The following TYW1B variants were observed in gnomAD, a reference collection of about 807,000 sequenced individuals.
The protein encoded by TYW1B is S-adenosyl-L-methionine-dependent tRNA 4-demethylwyosine synthase TYW1B.
A neutral mutation model predicts 86.9 loss-of-function variants in TYW1B; 73 were observed. The ratio of observed to expected loss-of-function variants is 0.84; its 90% CI spans 0.70 to 1.02. The LOEUF is 1.02. TYW1B is among the 50% of genes least tolerant of loss of function. The pLI, the probability that TYW1B is intolerant of heterozygous loss-of-function variation, is 0.00. For synonymous variants in TYW1B, 248 were observed against 292.8 expected, an observed-to-expected ratio of 0.85 and a Z score of 1.56; for missense variants, 637 against 827.4, an observed-to-expected ratio of 0.77 and a Z score of 2.82.
At chr7:72,784,763 A>T (rs1265016191) in intron 6 of TYW1B, among the ~76,000 whole-genome samples, 1 of 152,076 alleles carries the variant, frequency 6.6e-6, no homozygotes, top group Non-Finnish European at 1.5e-5. Flanking sequence ...CTCCCAAAGC[A>T]CTGGGATTAC....
At chr7:72,661,092 G>A (rs1185381422) in intron 11 of TYW1B, among the ~76,000 whole-genome samples, 2 of 150,420 alleles carry the variant, frequency 1.3e-5, no homozygotes, top group East Asian at 1.9e-4. Flanking sequence ...CCAAGATCTC[G>A]CCACTACACT....
chr7:72,809,534 T>C (rs1377588729), intron 4 of TYW1B, among the ~76,000 whole-genome samples: 1 of 152,076 alleles, frequency 6.6e-6, no homozygotes, highest in Non-Finnish European at 1.5e-5. Flanking sequence ...ACGCCTATAG[T>C]TCCAGCTACT....
chr7:72,741,504 T>C (rs1787303925), intron 8 of TYW1B, among the ~76,000 whole-genome samples: 1 of 152,020 alleles, frequency 6.6e-6, no homozygotes, highest in African/African-American at 2.4e-5. Context: ...GGGGACACCA[T>C]CAAGCATACC....
chr7:72,723,008 G>A (rs1188677084), intron 9 of TYW1B: 18 of 706,058 alleles, frequency 2.5e-5, no homozygotes, highest in Non-Finnish European at 3.0e-5. Context: ...GAATGGACAC[G>A]GCCGCCACCT....
intron 11 of TYW1B, among the ~76,000 whole-genome samples, chr7:72,667,048 A>AAAAAAAAT: frequency 7.6e-6 from 1 of 131,450 alleles, no homozygotes; most frequent in African/African-American, 3.1e-5. Flanking sequence ...AAAAAAAAAA[A>AAAAAAAAT]AAAGAAACTA....
intron 13 of TYW1B, among the ~76,000 whole-genome samples, chr7:72,601,764 G>A (rs1397677786): frequency 7.1e-5 from 10 of 140,212 alleles, no homozygotes; most frequent in East Asian, 2.1e-4. Context: ...AAAAAAAAAA[G>A]GTTAAAAAAA....
intron 7 of TYW1B, among the ~76,000 whole-genome samples, chr7:72,756,201 T>TTATTTTA (rs1554465995): frequency 7.2e-6 from 1 of 138,788 alleles, no homozygotes; most frequent in Non-Finnish European, 1.6e-5. Flanking sequence ...GTTTATTATT[T>TTATTTTA]TTTTATTTTA....
At chr7:72,806,499 A>G in intron 5 of TYW1B, among the ~76,000 whole-genome samples, 1 of 151,420 alleles carries the variant, frequency 6.6e-6, no homozygotes, top group Non-Finnish European at 1.5e-5. Context: ...GCCTCCCAAA[A>G]GTGCTGGGAT....
chr7:72,660,539 G>C (rs1318519174), intron 11 of TYW1B, among the ~76,000 whole-genome samples: 2 of 152,186 alleles, frequency 1.3e-5, no homozygotes, highest in Non-Finnish European at 2.9e-5. Context: ...ACTACTTTCA[G>C]ATTCTGCCAT....
chr7:72,575,933 C>G (rs1453381792), intron 13 of TYW1B, among the ~76,000 whole-genome samples: 1 of 152,206 alleles, frequency 6.6e-6, no homozygotes, highest in Non-Finnish European at 1.5e-5. Flanking sequence ...CTTCCTTTCC[C>G]TTGGGCCTGC....
intron 11 of TYW1B, among the ~76,000 whole-genome samples, chr7:72,654,719 G>A (rs1554443378): frequency 3.3e-5 from 5 of 152,040 alleles, no homozygotes; most frequent in Non-Finnish European, 7.4e-5. Context: ...CATCTCTACT[G>A]AAAATACAAA....
At chr7:72,665,007 TG>T (rs1252508293) in intron 11 of TYW1B, among the ~76,000 whole-genome samples, 1 of 152,208 alleles carries the variant, frequency 6.6e-6, no homozygotes, top group African/African-American at 2.4e-5. Context: ...ATTGTTGTAT[TG>T]TTATTTTTTT....
intron 11 of TYW1B, among the ~76,000 whole-genome samples, chr7:72,676,811 T>A (rs370132892): frequency 6.6e-6 from 1 of 151,914 alleles, no homozygotes; most frequent in Non-Finnish European, 1.5e-5. Flanking sequence ...TACAAAAAAA[T>A]AGCCAGTGTG....
At chr7:72,670,617 G>C (rs1169252310) in intron 11 of TYW1B, among the ~76,000 whole-genome samples, 2 of 152,198 alleles carry the variant, frequency 1.3e-5, no homozygotes, top group Non-Finnish European at 2.9e-5. Context: ...ATGGTGCCCT[G>C]GGAGTCAAAC....
intron 12 of TYW1B, among the ~76,000 whole-genome samples, chr7:72,625,044 G>A (rs1304804863): frequency 1.4e-5 from 2 of 143,072 alleles, no homozygotes; most frequent in Admixed American, 7.1e-5. Flanking sequence ...GGGAGACAGA[G>A]TAAGAACCTG....
At chr7:72,626,085 AGTTT>A (rs1404959695) in intron 12 of TYW1B, among the ~76,000 whole-genome samples, 2 of 151,770 alleles carry the variant, frequency 1.3e-5, no homozygotes, top group African/African-American at 4.8e-5. Flanking sequence ...TTTCAGCTGC[AGTTT>A]GTATCTTTGC....
intron 12 of TYW1B, among the ~76,000 whole-genome samples, chr7:72,618,077 T>C (rs1585851545): frequency 6.6e-6 from 1 of 151,704 alleles, no homozygotes; most frequent in Admixed American, 6.6e-5. Context: ...TTCCGCTAAG[T>C]GGGGAATAAC....
intron 3 of TYW1B, among the ~76,000 whole-genome samples, chr7:72,815,068 CAAAAA>C (rs576240918): frequency 1.4e-5 from 1 of 73,126 alleles, no homozygotes; most frequent in African/African-American, 5.3e-5. Context: ...GACTCCATCT[CAAAAA>C]AAAAAAAAAA....
chr7:72,744,727 T>A lies in TYW1B; in HGVS notation c.965-126A>T, dbSNP rs2272090. The A allele has an allele frequency of 4.3e-4, 481 of 1,117,050 alleles. 1 individual carries two copies. In the African/African-American group the frequency reaches 7.0e-3, roughly 16 times the overall value. 69.2% of individuals were successfully genotyped at this position (1,117,050 alleles called of 1,614,324 possible). A position where few individuals can be genotyped will look rare whatever the true frequency, so the allele number is the denominator to read the frequency against. On this transcript the variant is annotated intron_variant, in intron 7 of 13. Coordinates refer to ENST00000620995, the MANE Select transcript of TYW1B (RefSeq NM_001145440.3). The stretch of plus-strand genomic sequence containing the variant: ...ATGAATACTCCTACTAGTATCTGCA[T>A]GACGCAGGAAATTCGCATCAGAGCA...
Sources: gnomAD v4.1 joint callset for allele counts (sites outside exome capture counted in the v4.1 genomes callset) on GRCh38, gnomAD v4.1.1 for gene constraint, MANE v1.5 for transcripts, NCBI Gene and HGNC (gene_info 2026-07-23, HGNC 2026-07-21) for gene names.